Variants in CALN1 observed in about 807,000 individuals in gnomAD.
The protein encoded by CALN1 is calcium-binding protein 8.
CALN1 carries 17 observed loss-of-function variants against 30.6 expected under a neutral mutation model. The observed-to-expected ratio is 0.56, with a 90% CI of 0.38 to 0.83. The LOEUF is 0.83. Ranked by LOEUF, CALN1 falls within the 40% of genes least tolerant of loss-of-function variation. The pLI, the probability that CALN1 is intolerant of heterozygous loss-of-function variation, is 0.00. For missense variants in CALN1, 291 were observed against 354.9 expected, an observed-to-expected ratio of 0.82 and a Z score of 1.45; for synonymous variants, 156 against 131.4, an observed-to-expected ratio of 1.19 and a Z score of -1.28.
At chr7:72,138,383 C>T (rs892823260) in intron 3 of CALN1, among the ~76,000 whole-genome samples, 1 of 152,082 alleles carries the variant, frequency 6.6e-6, no homozygotes, top group South Asian at 2.1e-4. Context: ...ACTGGAGGCT[C>T]GAATACAAGT....
chr7:72,268,756 C>T (rs1460277410), intron 3 of CALN1, among the ~76,000 whole-genome samples: 1 of 150,890 alleles, frequency 6.6e-6, no homozygotes, highest in East Asian at 2.0e-4. Flanking sequence ...GAGATCACAC[C>T]ACTGCACTCC....
rs1437798840 is a variant in CALN1 at position 72,211,192 on chromosome 7, C to A, written c.244+67494G>T. Reference sequence around the variant, plus strand: ...TTCTCCAGGCTGGCCCCAACCTGACCCTTTCCCACCTCTCCAGACCTCAGT... The same window carrying A: ...TTCTCCAGGCTGGCCCCAACCTGACACTTTCCCACCTCTCCAGACCTCAGT... On this transcript the variant is annotated intron_variant, in intron 3 of 6. Coordinates refer to ENST00000395275, the MANE Select transcript of CALN1 (RefSeq NM_031468.4). Among the ~76,000 whole-genome samples, 6 of 152,244 alleles carry A rather than the reference C, an allele frequency of 3.9e-5. 1 individual carries two copies. The highest frequency in any genetic ancestry group is 4.4e-5 in the Non-Finnish European group (3 of 68,018).
chr7:72,345,731 A>T (rs969626322), intron 2 of CALN1, among the ~76,000 whole-genome samples: 8 of 152,320 alleles, frequency 5.3e-5, no homozygotes, highest in Middle Eastern at 3.4e-3. Flanking sequence ...ATGCATTAAG[A>T]TTAAGGGCAA....
intron 3 of CALN1, among the ~76,000 whole-genome samples, chr7:72,188,815 T>A (rs908010981): frequency 1.3e-5 from 2 of 152,216 alleles, no homozygotes; most frequent in African/African-American, 4.8e-5. Flanking sequence ...TGAAAGCGTG[T>A]GTGTCCGTCT....
chr7:72,337,195 C>T (rs1278963392), intron 2 of CALN1: 5 of 985,134 alleles, frequency 5.1e-6, no homozygotes, highest in Non-Finnish European at 4.8e-6. Context: ...CAGCTCCTCC[C>T]CAGCGGATCC....
intron 3 of CALN1, among the ~76,000 whole-genome samples, chr7:72,132,977 G>T (rs1034784053): frequency 6.6e-6 from 1 of 152,042 alleles, no homozygotes; most frequent in South Asian, 2.1e-4. Flanking sequence ...ACCCTATTGC[G>T]AACTACACAA....
At chr7:71,994,196 T>C (rs1458633538) in intron 5 of CALN1, among the ~76,000 whole-genome samples, 1 of 152,120 alleles carries the variant, frequency 6.6e-6, no homozygotes, top group African/African-American at 2.4e-5. Flanking sequence ...GGAATGACAA[T>C]GTAAATAAAA....
chr7:72,014,714 T>C (rs1275546444), intron 5 of CALN1, among the ~76,000 whole-genome samples: 1 of 152,124 alleles, frequency 6.6e-6, no homozygotes, highest in Non-Finnish European at 1.5e-5. Context: ...TAGGCTGGAG[T>C]GCAGTGGCAT....
chr7:72,095,320 A>T (rs1806146489), intron 4 of CALN1, among the ~76,000 whole-genome samples: 1 of 152,152 alleles, frequency 6.6e-6, no homozygotes, highest in Non-Finnish European at 1.5e-5. Context: ...ATTGTTATCC[A>T]GGGTTATTAT....
chr7:72,379,232 CA>C (rs1377000439), intron 2 of CALN1, among the ~76,000 whole-genome samples: 2 of 152,106 alleles, frequency 1.3e-5, no homozygotes, highest in African/African-American at 4.8e-5. Flanking sequence ...TGCCCTTAAG[CA>C]ATCCTCCCAC....
intron 5 of CALN1, among the ~76,000 whole-genome samples, chr7:71,946,347 C>T (rs535244818): frequency 5.3e-4 from 80 of 149,768 alleles, no homozygotes; most frequent in Non-Finnish European, 8.4e-4. Context: ...TTACATCTAG[C>T]GGGTTCCATT....
intron 2 of CALN1, among the ~76,000 whole-genome samples, chr7:72,285,450 G>A (rs1357646290): frequency 1.3e-5 from 2 of 151,946 alleles, no homozygotes; most frequent in Non-Finnish European, 2.9e-5. Context: ...TCACCGTGTT[G>A]GCCAGGATAG....
chr7:71,917,237 C>T (rs1212796546), intron 5 of CALN1, among the ~76,000 whole-genome samples: 1 of 152,094 alleles, frequency 6.6e-6, no homozygotes, highest in African/African-American at 2.4e-5. Flanking sequence ...TCAGAAACAA[C>T]AGGATGAGGC....
chr7:72,143,324 G>A (rs1174623540), intron 3 of CALN1, among the ~76,000 whole-genome samples: 1 of 152,200 alleles, frequency 6.6e-6, no homozygotes, highest in Non-Finnish European at 1.5e-5. Context: ...ACTACGTGAA[G>A]AATGCACAAG....
intron 5 of CALN1, among the ~76,000 whole-genome samples, chr7:71,924,703 G>A (rs11766746): frequency 0.19 from 28,838 of 151,900 alleles, 2,923 homozygotes; most frequent in Non-Finnish European, 0.23. Flanking sequence ...GTTTGACTAT[G>A]ATGTCTATCT....
rs1792684357 is a variant in CALN1, at chr7:71,780,976, G to A, written c.*6799C>T. 1.3e-5 allele frequency: 2 copies of A among 152,188 alleles called. No individual in the cohort carries two copies. The highest frequency in any genetic ancestry group is 4.8e-5 in the African/African-American group (2 of 41,442). The allele number at this position is 152,188 out of a possible 1,614,324, so 9.4% of individuals were successfully genotyped here. A position where few individuals can be genotyped will look rare whatever the true frequency, so the allele number is the denominator to read the frequency against. ...ACAAAACCTCTTGCCTGCAAGCTGT[G>A]ACACATTTAACATACACCAATTTGC... On this transcript the variant is annotated 3_prime_UTR_variant, in exon 7 of 7. Transcript: ENST00000395275.
At chr7:72,312,492 A>G (rs947831145) in intron 2 of CALN1, among the ~76,000 whole-genome samples, 2 of 151,830 alleles carry the variant, frequency 1.3e-5, no homozygotes, top group African/African-American at 4.8e-5. Context: ...GCCCCAGGAC[A>G]GACAGCGCTG....
chr7:71,954,269 C>G (rs529548075), intron 5 of CALN1, among the ~76,000 whole-genome samples: 16 of 150,446 alleles, frequency 1.1e-4, no homozygotes, highest in Middle Eastern at 3.4e-3. Flanking sequence ...ACCAGCCTGG[C>G]TAACATCTTG....
chr7:72,173,222 AAAAT>A (rs1423858609), intron 3 of CALN1, among the ~76,000 whole-genome samples: 2 of 152,168 alleles, frequency 1.3e-5, no homozygotes, highest in Non-Finnish European at 2.9e-5. Context: ...TAAAAAAAGA[AAAAT>A]AAAGTACATA....
Sources: gnomAD v4.1 joint callset for allele counts (sites outside exome capture counted in the v4.1 genomes callset) on GRCh38, gnomAD v4.1.1 for gene constraint, MANE v1.5 for transcripts, NCBI Gene and HGNC (gene_info 2026-07-23, HGNC 2026-07-21) for gene names.